Variants in PDIA4 observed in about 807,000 individuals in gnomAD.
PDIA4 encodes protein disulfide isomerase family A member 4, also known as protein disulfide-isomerase A4.
In PDIA4, 33 loss-of-function variants were observed where a neutral mutation model predicts 62.1. The observed-to-expected ratio is 0.53, with a 90% CI of 0.40 to 0.71. PDIA4 has a LOEUF of 0.71. PDIA4 is among the 30% of genes least tolerant of loss of function. The pLI, the probability that PDIA4 is intolerant of heterozygous loss-of-function variation, is 0.00. For synonymous variants in PDIA4, 341 were observed against 324.1 expected, an observed-to-expected ratio of 1.05 and a Z score of -0.56; for missense variants, 804 against 813.6, an observed-to-expected ratio of 0.99 and a Z score of 0.14.
At position 149,019,185 on chromosome 7, in the gene PDIA4, G is replaced by C; in HGVS notation, c.282C>G (p.Cys94Trp). 6.2e-7 allele frequency: 1 copy of C among 1,612,162 alleles called. No homozygotes were observed. Among genetic ancestry groups the C allele is most frequent in the Non-Finnish European group, 8.5e-7 (1 of 1,178,258 alleles). ...LEFYAPWCGH[C>W]KQFAPEYEKI... ...TTTCATATTCCGGAGCAAACTGCTT[G>C]CAATGTCCACACCTAACAATTAGAT... The change falls in exon 3 of 10, where the codon TGC (cysteine) becomes TGG (tryptophan). Residue 94 changes from cysteine (C) to tryptophan (W), a missense_variant. Coordinates refer to ENST00000652332, the MANE Select transcript of PDIA4 (RefSeq NM_004911.5).
chr7:149,015,144 G>A, intron 3 of PDIA4, 102 bp from the exon 4 acceptor site: 1 of 1,229,194 alleles, frequency 8.1e-7, no homozygotes. Flanking sequence ...CAAGTGTCGG[G>A]GCCCACAAGA....
intron 4 of PDIA4, 84 bp downstream of exon 4, chr7:149,014,820 C>T (rs1824073362): frequency 7.4e-7 from 1 of 1,357,958 alleles, no homozygotes; most frequent in Admixed American, 1.8e-5. Flanking sequence ...CTCTGCTGTT[C>T]CTGCCTCACG....
At chr7:149,008,340 T>C (rs1035559485) in intron 6 of PDIA4, 30 bp from the exon 7 acceptor site, 10 of 1,595,288 alleles carry the variant, frequency 6.3e-6, no homozygotes, top group African/African-American at 1.4e-5. Context: ...AGATGTAATT[T>C]TGAAAATTGC....
At chr7:149,020,928 G>T in intron 2 of PDIA4, 39 bp downstream of exon 2, 2 of 1,604,764 alleles carry the variant, frequency 1.2e-6, no homozygotes, top group East Asian at 2.2e-5. Flanking sequence ...ATGGAGCACA[G>T]CGCTTGTCCA....
intron 1 of PDIA4, among the ~76,000 whole-genome samples, chr7:149,024,181 A>C (rs961614088): frequency 1.3e-5 from 2 of 152,020 alleles, no homozygotes; most frequent in East Asian, 3.9e-4. Context: ...CAGGAAGCAG[A>C]GGATGCAGTG....
At chr7:149,007,821 C>T (rs1263805544) in intron 7 of PDIA4, among the ~76,000 whole-genome samples, 1 of 152,258 alleles carries the variant, frequency 6.6e-6, no homozygotes, top group East Asian at 1.9e-4. Flanking sequence ...CTGGCCCAGG[C>T]CAAACCCACA....
At position 149,018,990 on chromosome 7, in the gene PDIA4, A is replaced by T; in HGVS notation, c.475+2T>A. On this transcript the variant is annotated splice_donor_variant, in intron 3 of 9. Coordinates refer to ENST00000652332, the MANE Select transcript of PDIA4 (RefSeq NM_004911.5). LOFTEE classifies it high-confidence loss of function. Reference sequence around the variant, plus strand: ...CCTCTACGAGCTCAGGTACCAGCTCACCTTCCTGGGTTCTGGAGCCCTCGT... The same window carrying T: ...CCTCTACGAGCTCAGGTACCAGCTCTCCTTCCTGGGTTCTGGAGCCCTCGT... 1.2e-6 allele frequency: 2 copies of T among 1,607,056 alleles called. No homozygotes were observed. Among genetic ancestry groups the T allele is most frequent in the African/African-American group, 2.7e-5 (2 of 74,750 alleles).
chr7:149,026,466 C>A (rs1246217009), intron 1 of PDIA4, among the ~76,000 whole-genome samples: 1 of 152,088 alleles, frequency 6.6e-6, no homozygotes, highest in Non-Finnish European at 1.5e-5. Flanking sequence ...CCGGTTAACA[C>A]GGTGAAACCC....
Position 149,005,395 on chromosome 7 carries a change from T to A in PDIA4, c.1289-21A>T, listed in dbSNP as rs758636837. 3 of 1,545,958 alleles carry A rather than the reference T, an allele frequency of 1.9e-6. No individual in the cohort carries two copies. The South Asian group carries it at 3.3e-5, about 17-fold the overall frequency. ...AGTTGCTGAAAGGGACCAAGGGCCA[T>A]AAGCCAGGCGGCCACACAGAGCAAG... is the stretch of plus-strand genomic sequence containing the variant. On this transcript the variant is annotated intron_variant, in intron 8 of 9. Coordinates refer to ENST00000652332, the MANE Select transcript of PDIA4 (RefSeq NM_004911.5).
At chr7:149,010,091 A>T (rs1179097462) in intron 6 of PDIA4, among the ~76,000 whole-genome samples, 1 of 152,184 alleles carries the variant, frequency 6.6e-6, no homozygotes, top group Non-Finnish European at 1.5e-5. Flanking sequence ...AGATGGACTT[A>T]GATTCATATG....
chr7:149,028,230 GC>G, intron 1 of PDIA4, 90 bp downstream of exon 1: 1 of 951,908 alleles, frequency 1.1e-6, no homozygotes, highest in Non-Finnish European at 1.5e-6. Context: ...CCGCGCGGAA[GC>G]CCGCCCGCCG....
chr7:149,013,611 G>T lies in PDIA4; in HGVS notation c.615-1251C>A, dbSNP rs147541125. Among the ~76,000 whole-genome samples, 40 of 152,154 alleles carry T rather than the reference G, an allele frequency of 2.6e-4. No homozygotes were observed. The South Asian group carries it at 7.9e-3, about 30-fold the overall frequency. On this transcript the variant is annotated intron_variant, in intron 4 of 9. Coordinates refer to ENST00000652332, the MANE Select transcript of PDIA4 (RefSeq NM_004911.5). Reference sequence around the variant, plus strand: ...ACAATTGAGCCCAGGAGTTCAAGGCGTAGTGAACTATGATGGTGCCACTGT... The same window carrying T: ...ACAATTGAGCCCAGGAGTTCAAGGCTTAGTGAACTATGATGGTGCCACTGT...
Position 149,010,004 on chromosome 7 carries a change from G to A in PDIA4, c.980-1694C>T, listed in dbSNP as rs79307806. On this transcript the variant is annotated intron_variant, in intron 6 of 9. Coordinates refer to ENST00000652332, the MANE Select transcript of PDIA4 (RefSeq NM_004911.5). ...TCAGCTGGGTTATAGGACACATGTG[G>A]CTGAGATGGTAAACCATGTTTTTGG... is the stretch of plus-strand genomic sequence containing the variant. Among the ~76,000 whole-genome samples the A allele has an allele frequency of 7.0e-3, 1,069 of 152,336 alleles. 5 individuals carry two copies. The highest frequency in any genetic ancestry group is 0.012 in the Non-Finnish European group (848 of 68,038).
chr7:149,027,849 C>G (rs1440931199), intron 1 of PDIA4: 1 of 472,810 alleles, frequency 2.1e-6, no homozygotes, highest in Non-Finnish European at 4.4e-6. Flanking sequence ...ATCTACAGAC[C>G]ACATTTTGAA....
At chr7:149,021,306 T>C (rs1331376266) in intron 1 of PDIA4, among the ~76,000 whole-genome samples, 159 bp from the exon 2 acceptor site, 3 of 151,934 alleles carry the variant, frequency 2.0e-5, no homozygotes, top group East Asian at 1.9e-4. Context: ...CTGGCCAATA[T>C]GGTGAAACCC....
chr7:149,019,018 T>C lies in PDIA4; in HGVS notation c.449A>G (p.Asp150Gly), dbSNP rs1824247591. ...TTCCTGGGTTCTGGAGCCCTCGTAG[T>C]CTACAGCCTGCCCCTTCTTAAGGAT... is the stretch of plus-strand genomic sequence containing the variant. ...IKILKKGQAV[D>G]YEGSRTQEEI... is the part of the protein sequence containing the mutation. The change falls in exon 3 of 10, where the codon GAC (aspartate) becomes GGC (glycine). Residue 150 changes from aspartate to glycine, a missense_variant. Physicochemically the swap from Asp to Gly is moderately conservative, Grantham distance 94 (BLOSUM62 -1). Transcript: ENST00000652332. The C allele has an allele frequency of 6.2e-7, 1 of 1,613,428 alleles. No individual in the cohort carries two copies. The highest frequency in any genetic ancestry group is 8.5e-7 in the Non-Finnish European group (1 of 1,179,838).
At chr7:149,027,912 C>T in intron 1 of PDIA4, 1 of 487,586 alleles carries the variant, frequency 2.1e-6, no homozygotes, top group South Asian at 1.5e-5. Flanking sequence ...ACGCCCTCGC[C>T]CCTTCTCTCC....
Position 149,012,166 on chromosome 7 carries a change from C to T in PDIA4, c.809G>A (p.Arg270Gln), listed in dbSNP as rs762583788. ...KGRPYDYNGP[R>Q]EKYGIVDYMI... is the part of the protein sequence containing the mutation. ...GGGAGTGGCCATACCATATTTTTCT[C>T]GTGGGCCGTTGTAGTCATAAGGCCT... Residue 270 changes from arginine (R) to glutamine (Q), a missense_variant, in exon 5 of 10, where the codon CGA becomes CAA. Coordinates refer to ENST00000652332, the MANE Select transcript of PDIA4 (RefSeq NM_004911.5). 13 of 1,614,010 alleles carry T rather than the reference C, an allele frequency of 8.1e-6. No individual in the cohort carries two copies. Among genetic ancestry groups the T allele is most frequent in the African/African-American group, 4.0e-5 (3 of 74,914 alleles).
At chr7:149,017,976 T>A (rs1488029795) in intron 3 of PDIA4, among the ~76,000 whole-genome samples, 3 of 152,200 alleles carry the variant, frequency 2.0e-5, no homozygotes, top group African/African-American at 4.8e-5. Context: ...ACGCCTGTAA[T>A]CCCAGCACTT....
Sources: gnomAD v4.1 joint callset for allele counts (sites outside exome capture counted in the v4.1 genomes callset) on GRCh38, gnomAD v4.1.1 for gene constraint, MANE v1.5 for transcripts, NCBI Gene and HGNC (gene_info 2026-07-23, HGNC 2026-07-21) for gene names.